Variants in FMN2 observed in about 807,000 individuals in gnomAD.
FMN2 encodes formin 2, also known as formin-2.
FMN2 carries 51 observed loss-of-function variants against 142.3 expected under a neutral mutation model. The ratio of observed to expected loss-of-function variants is 0.36; its 90% CI spans 0.29 to 0.45. The LOEUF (loss-of-function observed/expected upper bound fraction) is 0.45, where lower values mean the gene tolerates loss of function less well. Among genes scored for constraint, FMN2 ranks in the 20% least tolerant of loss-of-function variants. The pLI is 1.00. For synonymous variants in FMN2, 882 were observed against 869.8 expected (o/e 1.01, Z -0.25); for missense variants, 1,936 against 2,122.8 (o/e 0.91, Z 1.73).
At chr1:240,334,984 CT>C (rs1482910931) in intron 13 of FMN2, among the ~76,000 whole-genome samples, 4 of 152,122 alleles carry the variant, frequency 2.6e-5, no homozygotes, top group Non-Finnish European at 5.9e-5. Context: ...CTGGTTACCC[CT>C]GTCCAGAAAC....
At chr1:240,304,936 C>G (rs56298518) in intron 8 of FMN2, among the ~76,000 whole-genome samples, 23 of 152,164 alleles carry the variant, frequency 1.5e-4, no homozygotes, top group African/African-American at 2.4e-5. Flanking sequence ...GTAAGACCAA[C>G]AGTAGACCCC....
chr1:240,112,872 C>G (rs750980947), intron 1 of FMN2, among the ~76,000 whole-genome samples: 2 of 152,202 alleles, frequency 1.3e-5, no homozygotes, highest in Non-Finnish European at 2.9e-5. Context: ...CTGGCACCAG[C>G]TCCTGCTGTG....
intron 6 of FMN2, among the ~76,000 whole-genome samples, chr1:240,225,127 C>G (rs533468581): frequency 6.6e-6 from 1 of 152,288 alleles, no homozygotes; most frequent in Admixed American, 6.5e-5. Context: ...TATTCTGACA[C>G]AGGGGCAATT....
chr1:240,271,584 C>T (rs1185574841), intron 7 of FMN2, among the ~76,000 whole-genome samples: 1 of 151,572 alleles, frequency 6.6e-6, no homozygotes, highest in African/African-American at 2.4e-5. Context: ...GTACTAAATG[C>T]TGTTGGGAGG....
At chr1:240,419,696 A>G (rs1385965328) in intron 15 of FMN2, among the ~76,000 whole-genome samples, 1 of 152,148 alleles carries the variant, frequency 6.6e-6, no homozygotes, top group Non-Finnish European at 1.5e-5. Flanking sequence ...GTTTCTTTGT[A>G]GAAGGACTAG....
At chr1:240,293,047 G>C (rs1478475161) in intron 7 of FMN2, among the ~76,000 whole-genome samples, 1 of 152,084 alleles carries the variant, frequency 6.6e-6, no homozygotes, top group East Asian at 1.9e-4. Flanking sequence ...TTGAGAACTT[G>C]TTTAGGAGCA....
At chr1:240,293,130 GA>G (rs907303092) in intron 7 of FMN2, among the ~76,000 whole-genome samples, 4 of 152,140 alleles carry the variant, frequency 2.6e-5, no homozygotes, top group African/African-American at 9.6e-5. Flanking sequence ...GCATGAGATA[GA>G]AAGATGAGAA....
intron 7 of FMN2, among the ~76,000 whole-genome samples, chr1:240,275,241 C>A (rs1314350718): frequency 5.3e-5 from 8 of 151,634 alleles, no homozygotes; most frequent in Non-Finnish European, 1.0e-4. Flanking sequence ...CCTCCCCTAG[C>A]CCCCCAACCC....
At chr1:240,114,737 A>G (rs562459093) in intron 1 of FMN2, among the ~76,000 whole-genome samples, 2 of 148,502 alleles carry the variant, frequency 1.3e-5, no homozygotes, top group Non-Finnish European at 3.0e-5. Context: ...AGCTCACTGC[A>G]ACCTCCGCTT....
intron 16 of FMN2, among the ~76,000 whole-genome samples, chr1:240,469,121 G>T (rs1676728046): frequency 6.6e-6 from 1 of 152,074 alleles, no homozygotes; most frequent in South Asian, 2.1e-4. Context: ...TCGTTGTTTT[G>T]GGGGTCTGGC....
intron 2 of FMN2, among the ~76,000 whole-genome samples, chr1:240,127,150 C>T (rs1181812055): frequency 2.0e-5 from 3 of 148,752 alleles, no homozygotes; most frequent in Admixed American, 6.7e-5. Flanking sequence ...AACGGAGTCT[C>T]GCTCTATTGC....
intron 15 of FMN2, among the ~76,000 whole-genome samples, chr1:240,411,199 T>C (rs1674375788): frequency 6.6e-6 from 1 of 152,238 alleles, no homozygotes; most frequent in African/African-American, 2.4e-5. Context: ...CATAGACTCC[T>C]ACTTGAAAAT....
intron 2 of FMN2, among the ~76,000 whole-genome samples, chr1:240,128,131 A>G (rs577538723): frequency 6.6e-6 from 1 of 152,354 alleles, no homozygotes; most frequent in East Asian, 1.9e-4. Flanking sequence ...CAGGGATCAT[A>G]CTAATGCTTG....
chr1:240,325,334 C>A (rs555232927), intron 8 of FMN2, among the ~76,000 whole-genome samples: 3 of 127,488 alleles, frequency 2.4e-5, no homozygotes, highest in South Asian at 5.0e-4. Flanking sequence ...CACGGTGAGA[C>A]CCTGTCTCCA....
At chr1:240,472,300 T>C in intron 16 of FMN2, 72 bp from the exon 17 acceptor site, 1 of 1,052,204 alleles carries the variant, frequency 9.5e-7, no homozygotes, top group Non-Finnish European at 1.4e-6. Flanking sequence ...TGAGGTTTGC[T>C]CACTTACTAT....
At chr1:240,200,806 A>G (rs897493451) in intron 4 of FMN2, among the ~76,000 whole-genome samples, 2 of 152,090 alleles carry the variant, frequency 1.3e-5, no homozygotes, top group Non-Finnish European at 2.9e-5. Flanking sequence ...CTCTTTTTCC[A>G]TGTTCTCTTC....
intron 2 of FMN2, among the ~76,000 whole-genome samples, chr1:240,127,457 C>A (rs1322417910): frequency 6.6e-6 from 1 of 151,468 alleles, no homozygotes; most frequent in Non-Finnish European, 1.5e-5. Context: ...GATCACCTGG[C>A]CTGGTCTTGG....
intron 8 of FMN2, among the ~76,000 whole-genome samples, chr1:240,314,464 G>GA (rs1277147367): frequency 6.6e-6 from 1 of 152,006 alleles, no homozygotes; most frequent in Admixed American, 6.6e-5. Context: ...GACCTGAAAT[G>GA]AAAAAATAGT....
intron 6 of FMN2, among the ~76,000 whole-genome samples, chr1:240,228,610 G>A (rs1307720170): frequency 6.6e-6 from 1 of 152,050 alleles, no homozygotes; most frequent in African/African-American, 2.4e-5. Context: ...GCAGCCATTT[G>A]AATTTCAATA....
Sources: allele counts gnomAD v4.1 joint callset (sites outside exome capture counted in the v4.1 genomes callset), GRCh38; gene constraint gnomAD v4.1.1; transcripts MANE v1.5; gene names NCBI Gene and HGNC (gene_info 2026-07-23, HGNC 2026-07-21).